IPO11: variants seen among roughly 807,000 people sequenced by gnomAD.
IPO11 encodes the protein importin-11.
A neutral mutation model predicts 143.2 loss-of-function variants in IPO11; 66 were observed. The observed-to-expected ratio is 0.46, with a 90% CI of 0.38 to 0.57. The LOEUF (loss-of-function observed/expected upper bound fraction) is 0.57, where lower values mean the gene tolerates loss of function less well. Ranked by LOEUF, IPO11 falls within the 20% of genes least tolerant of loss-of-function variation. IPO11 has a pLI of 0.00. For missense variants in IPO11, 1,026 were observed against 1,141.0 expected (o/e 0.90, Z 1.45); for synonymous variants, 385 against 377.8 (o/e 1.02, Z -0.22).
At chr5:62,535,226 T>C (rs1346595639) in intron 22 of IPO11, among the ~76,000 whole-genome samples, 1 of 151,914 alleles carries the variant, frequency 6.6e-6, no homozygotes, top group Non-Finnish European at 1.5e-5. Flanking sequence ...TCTTAAATGT[T>C]GGTTTTTTTT....
intron 15 of IPO11, among the ~76,000 whole-genome samples, chr5:62,492,449 C>T (rs1024963771): frequency 2.6e-5 from 4 of 152,176 alleles, no homozygotes; most frequent in African/African-American, 9.7e-5. Context: ...TTTCTAAAGT[C>T]CTAGTACACT....
chr5:62,590,975 G>A (rs1263304973), intron 27 of IPO11, among the ~76,000 whole-genome samples: 2 of 152,010 alleles, frequency 1.3e-5, no homozygotes, highest in Non-Finnish European at 2.9e-5. Flanking sequence ...AGGCTGGAGA[G>A]CAGTGGCTGT....
At chr5:62,626,821 A>G (rs924928186) in intron 29 of IPO11, among the ~76,000 whole-genome samples, 8 of 152,158 alleles carry the variant, frequency 5.3e-5, no homozygotes, top group African/African-American at 1.9e-4. Context: ...ATGCTGGACA[A>G]TTGTATTTAA....
intron 27 of IPO11, among the ~76,000 whole-genome samples, chr5:62,585,935 G>C (rs1561374746): frequency 6.6e-6 from 1 of 152,206 alleles, no homozygotes; most frequent in Non-Finnish European, 1.5e-5. Context: ...GGTTGATAGA[G>C]ATGCTTTTTA....
rs78498167 is a variant in IPO11 at position 62,531,896 on chromosome 5, C to T, written c.2089+1111C>T. Among the ~76,000 whole-genome samples, 1,203 of 152,136 alleles carry T rather than the reference C, an allele frequency of 7.9e-3. 20 individuals are homozygous for T. The highest frequency in any genetic ancestry group is 0.027 in the African/African-American group (1,139 of 41,498). The stretch of plus-strand genomic sequence containing the variant: ...GAGTCCCCATAAAAGGAAAAACTTA[C>T]CAAAGATGAAGTCAGTGGCAATAGG... On this transcript the variant is annotated intron_variant, in intron 22 of 29. Transcript: ENST00000325324.
chr5:62,538,920 G>A (rs892992091), intron 24 of IPO11, among the ~76,000 whole-genome samples: 1 of 152,174 alleles, frequency 6.6e-6, no homozygotes, highest in Non-Finnish European at 1.5e-5. Context: ...ACAGGAGTAA[G>A]GAGAGAAATG....
intron 9 of IPO11, among the ~76,000 whole-genome samples, chr5:62,479,902 C>G (rs570125006): frequency 5.3e-5 from 8 of 152,108 alleles, no homozygotes. Flanking sequence ...TATTCACTCT[C>G]ATGGTAGTTT....
intron 9 of IPO11, among the ~76,000 whole-genome samples, chr5:62,477,140 T>C (rs1365041752): frequency 5.3e-5 from 8 of 152,194 alleles, no homozygotes; most frequent in Non-Finnish European, 1.2e-4. Flanking sequence ...ACCATCAGAC[T>C]ATCTTCGTCC....
At chr5:62,491,452 C>T (rs1746604430) in intron 15 of IPO11, among the ~76,000 whole-genome samples, 1 of 152,012 alleles carries the variant, frequency 6.6e-6, no homozygotes, top group Admixed American at 6.6e-5. Flanking sequence ...GTCCTTAAAC[C>T]CTAGAGGCTA....
intron 26 of IPO11, among the ~76,000 whole-genome samples, chr5:62,551,914 A>G (rs1224871099): frequency 6.6e-6 from 1 of 152,120 alleles, no homozygotes; most frequent in Non-Finnish European, 1.5e-5. Context: ...TCACGAGGTC[A>G]GGAGATCGAG....
intron 24 of IPO11, among the ~76,000 whole-genome samples, chr5:62,545,261 A>G (rs906736640): frequency 3.9e-5 from 6 of 152,308 alleles, no homozygotes; most frequent in Admixed American, 1.3e-4. Context: ...ATATAGACCA[A>G]TGGAACATAA....
In IPO11 at chr5:62,467,242, C is replaced by G. The variant is rs778683858; in HGVS notation, c.628C>G (p.Arg210Gly). 3 of 1,613,722 alleles carry G rather than the reference C, an allele frequency of 1.9e-6. No homozygotes were observed. The highest frequency in any genetic ancestry group is 2.2e-5 in the South Asian group (2 of 91,016). Residue 210 changes from arginine to glycine, a missense_variant, in exon 6 of 30, where the codon CGA becomes GGA. Physicochemically the swap from Arg to Gly is moderately radical, Grantham distance 125. This residue lies in a region of IPO11 where 429 missense variants were observed against 456.3 expected (regional missense o/e 0.94). Coordinates refer to ENST00000325324, the MANE Select transcript of IPO11 (RefSeq NM_016338.5). ...AGCTGCAATTTTGAGTTCACTAGAA[C>G]GAACACTGCTATCATTGAAAGGTAC... Reference protein sequence around the residue: ...NEAAILSSLERTLLSLKVLRK... With the variant: ...NEAAILSSLEGTLLSLKVLRK...
intron 20 of IPO11, among the ~76,000 whole-genome samples, chr5:62,517,726 A>T (rs148724062): frequency 2.2e-3 from 337 of 152,248 alleles, no homozygotes; most frequent in African/African-American, 7.6e-3. Context: ...TTTAAGCTCA[A>T]CTTGGGAGTT....
In IPO11 at chr5:62,561,119, T is replaced by G. The variant is rs200514803; in HGVS notation, c.2461-17T>G. The G allele has an allele frequency of 1.1e-4, 172 of 1,595,926 alleles. No homozygotes were observed. Among genetic ancestry groups the G allele is most frequent in the Non-Finnish European group, 1.3e-4 (151 of 1,172,094 alleles). ...CATATTTTAGGTATTTTGAGATGCC[T>G]CCTCCTCTTGTTTCAGATGGACCAG... On this transcript the variant is annotated splice_polypyrimidine_tract_variant and intron_variant, in intron 26 of 29. Transcript: ENST00000325324.
Position 62,515,341 on chromosome 5 carries a change from T to C in IPO11, c.1783-47T>C, listed in dbSNP as rs547178170. 1.9e-4 allele frequency: 259 copies of C among 1,331,080 alleles called. 3 individuals carry two copies. The South Asian group carries it at 2.3e-3, about 12-fold the overall frequency. 82.5% of individuals were successfully genotyped at this position (1,331,080 alleles called of 1,614,324 possible). A position where few individuals can be genotyped will look rare whatever the true frequency, so the allele number is the denominator to read the frequency against. On this transcript the variant is annotated intron_variant, in intron 19 of 29. Transcript: ENST00000325324. ...CATTGTTTTTCAAAGTAAATTGCCT[T>C]CTTTACCAATAAAATTTTGTTGTTT...
At chr5:62,616,495 A>C (rs1339774489) in intron 29 of IPO11, among the ~76,000 whole-genome samples, 1 of 152,086 alleles carries the variant, frequency 6.6e-6, no homozygotes, top group African/African-American at 2.4e-5. Flanking sequence ...GCACTTTGGG[A>C]GGTCGAGGCG....
At chr5:62,503,502 A>T (rs1253026511) in intron 16 of IPO11, among the ~76,000 whole-genome samples, 1 of 151,742 alleles carries the variant, frequency 6.6e-6, no homozygotes. Context: ...CTGTATGGGC[A>T]TGGCTTACTC....
At chr5:62,577,333 A>G (rs1744352326) in intron 27 of IPO11, among the ~76,000 whole-genome samples, 1 of 152,112 alleles carries the variant, frequency 6.6e-6, no homozygotes, top group Non-Finnish European at 1.5e-5. Context: ...TAAAAATTTT[A>G]CCTTTGCATC....
chr5:62,591,053 C>T (rs988586524), intron 27 of IPO11, among the ~76,000 whole-genome samples: 1 of 152,168 alleles, frequency 6.6e-6, no homozygotes, highest in Non-Finnish European at 1.5e-5. Flanking sequence ...CTGCCACAGC[C>T]TCCCAAGTAG....
Sources: gnomAD v4.1 joint callset for allele counts (sites outside exome capture counted in the v4.1 genomes callset) on GRCh38, gnomAD v4.1.1 for gene constraint, gnomAD v4.1.1 regional missense constraint, MANE v1.5 for transcripts, NCBI Gene and HGNC (gene_info 2026-07-23, HGNC 2026-07-21) for gene names.